Variants in ZNF33B observed in about 807,000 individuals in gnomAD.
ZNF33B encodes the protein zinc finger protein 33B.
A neutral mutation model predicts 45.8 loss-of-function variants in ZNF33B; 29 were observed. That is an observed-to-expected ratio of 0.63 (90% CI 0.47 to 0.86). The LOEUF (loss-of-function observed/expected upper bound fraction) is 0.86, where lower values mean the gene tolerates loss of function less well. Among genes scored for constraint, ZNF33B ranks in the 40% least tolerant of loss-of-function variants. The pLI, the probability that ZNF33B is intolerant of heterozygous loss-of-function variation, is 0.00. For missense variants in ZNF33B, 831 were observed against 909.9 expected, an observed-to-expected ratio of 0.91 and a Z score of 1.12; for synonymous variants, 305 against 307.8, an observed-to-expected ratio of 0.99 and a Z score of 0.10.
intron 4 of ZNF33B, among the ~76,000 whole-genome samples, chr10:42,620,951 T>C (rs1374389986): frequency 6.6e-6 from 1 of 152,030 alleles, no homozygotes; most frequent in Non-Finnish European, 1.5e-5. Context: ...ATTATAACTA[T>C]ATATGTACCA....
intron 4 of ZNF33B, among the ~76,000 whole-genome samples, chr10:42,620,402 G>C (rs1838520271): frequency 6.6e-6 from 1 of 151,746 alleles, no homozygotes; most frequent in South Asian, 2.1e-4. Flanking sequence ...GAATGGATTT[G>C]ATTGATTTAT....
At chr10:42,586,834 G>C (rs1836945711), downstream of ZNF33B, among the ~76,000 whole-genome samples, 1 of 152,298 alleles carries the variant, frequency 6.6e-6, no homozygotes, top group South Asian at 2.1e-4. Flanking sequence ...CCATTTGTGT[G>C]AACCATGTAC....
intron 4 of ZNF33B, among the ~76,000 whole-genome samples, chr10:42,599,118 C>T (rs1454095785): frequency 2.0e-5 from 3 of 152,078 alleles, no homozygotes; most frequent in African/African-American, 7.2e-5. Flanking sequence ...TGATAATTTA[C>T]AGGTATAGTA....
chr10:42,593,884 G>A lies in ZNF33B; in HGVS notation c.1066C>T (p.His356Tyr). ...RHQRVHTGEK[H>Y]FQCNQCGKTF... Reference sequence around the variant, plus strand: ...TTTCCACATTGATTACATTGAAAGTGTTTCTCTCCTGTGTGCACCCTCTGA... The same window carrying A: ...TTTCCACATTGATTACATTGAAAGTATTTCTCTCCTGTGTGCACCCTCTGA... The change falls in exon 5 of 5, where the codon CAC becomes TAC. Residue 356 changes from histidine (H) to tyrosine (Y), a missense_variant. Physicochemically the swap from His to Tyr is moderately conservative, Grantham distance 83 (BLOSUM62 2). Coordinates refer to ENST00000359467, the MANE Select transcript of ZNF33B (RefSeq NM_006955.3). 1.2e-6 allele frequency: 2 copies of A among 1,614,048 alleles called. No homozygotes were observed. The highest frequency in any genetic ancestry group is 2.2e-5 in the South Asian group (2 of 91,080).
At chr10:42,633,167 C>G (rs569270317) in intron 2 of ZNF33B, among the ~76,000 whole-genome samples, 5 of 152,140 alleles carry the variant, frequency 3.3e-5, no homozygotes, top group Non-Finnish European at 7.3e-5. Flanking sequence ...TTTTCTTCAT[C>G]GCAGTACATA....
chr10:42,600,435 T>C (rs1837571157), intron 4 of ZNF33B, among the ~76,000 whole-genome samples: 1 of 152,172 alleles, frequency 6.6e-6, no homozygotes, highest in African/African-American at 2.4e-5. Flanking sequence ...AAAAAAAATC[T>C]TTATCACTGG....
intron 2 of ZNF33B, 136 bp downstream of exon 2, chr10:42,636,784 A>G (rs209387): frequency 0.84 from 1,021,286 of 1,218,452 alleles, 430,096 homozygotes; most frequent in East Asian, 0.97. Context: ...ACAGAGATGG[A>G]GACACTGCGC....
At chr10:42,619,512 AT>A (rs920105063) in intron 4 of ZNF33B, among the ~76,000 whole-genome samples, 75 of 152,248 alleles carry the variant, frequency 4.9e-4, no homozygotes, top group African/African-American at 1.8e-3. Context: ...TCAAGATGAA[AT>A]AAAAAGAAAC....
At chr10:42,633,425 T>C (rs577960681) in intron 2 of ZNF33B, among the ~76,000 whole-genome samples, 2 of 152,282 alleles carry the variant, frequency 1.3e-5, no homozygotes, top group East Asian at 3.9e-4. Flanking sequence ...CCAATTCTAT[T>C]GAGAACAGCA....
intron 4 of ZNF33B, among the ~76,000 whole-genome samples, chr10:42,600,054 T>A (rs1428954599): frequency 6.6e-6 from 1 of 152,110 alleles, no homozygotes; most frequent in Non-Finnish European, 1.5e-5. Context: ...GAGAAAATAC[T>A]CTATATGACT....
chr10:42,603,732 C>T (rs1589037532), intron 4 of ZNF33B, among the ~76,000 whole-genome samples: 1 of 152,284 alleles, frequency 6.6e-6, no homozygotes, highest in East Asian at 1.9e-4. Flanking sequence ...TAGCGGCTAT[C>T]AGCAAAGTGT....
rs145136218 is a variant in ZNF33B, at chr10:42,593,120, T to C, written c.1830A>G (p.Glu610=). The part of the protein sequence containing the change: ...NRTHTGEKPY[E]CNECGKTFCQ... ...AGAAGGTTTTTCCACATTCATTACA[T>C]TCATAGGGTTTCTCCCCTGTATGTG... Residue 610 remains glutamate, a synonymous_variant, in exon 5 of 5, where the codon GAA becomes GAG. Transcript: ENST00000359467. 3.7e-6 allele frequency: 6 copies of C among 1,613,748 alleles called. No individual in the cohort carries two copies. The African/African-American group carries it at 8.0e-5, about 22-fold the overall frequency.
downstream of ZNF33B, among the ~76,000 whole-genome samples, chr10:42,586,424 C>T (rs1176704528): frequency 6.6e-6 from 1 of 151,938 alleles, no homozygotes; most frequent in African/African-American, 2.4e-5. Flanking sequence ...GCTGGGATTA[C>T]AGGCATGAGC....
At chr10:42,638,139 G>C (rs1839416615) in intron 1 of ZNF33B, among the ~76,000 whole-genome samples, 1 of 152,222 alleles carries the variant, frequency 6.6e-6, no homozygotes, top group Non-Finnish European at 1.5e-5. Context: ...TCCTACCCAG[G>C]TAGGGCCGCG....
Position 42,591,198 on chromosome 10 carries a change from G to A in ZNF33B, c.*1415C>T, listed in dbSNP as rs149065705. The A allele has an allele frequency of 3.7e-4, 283 of 763,272 alleles. 5 individuals are homozygous for A. The East Asian group carries it at 0.027, about 74-fold the overall frequency. 47.3% of individuals were successfully genotyped at this position (763,272 alleles called of 1,614,324 possible). A position where few individuals can be genotyped will look rare whatever the true frequency, so the allele number is the denominator to read the frequency against. Reference sequence around the variant, plus strand: ...GTCTGGGTACAATGAGCAATGAAATGACAGTCCAACAGCCCTGGGCAGCAA... The same window carrying A: ...GTCTGGGTACAATGAGCAATGAAATAACAGTCCAACAGCCCTGGGCAGCAA... On this transcript the variant is annotated 3_prime_UTR_variant, in exon 5 of 5. Coordinates refer to ENST00000359467, the MANE Select transcript of ZNF33B (RefSeq NM_006955.3).
At chr10:42,575,429 T>G (rs1297369436) in intron 1 of ZNF33B, among the ~76,000 whole-genome samples, 11 of 152,156 alleles carry the variant, frequency 7.2e-5, no homozygotes, top group Non-Finnish European at 8.8e-5. Flanking sequence ...TGCCTATGGA[T>G]TTTGCACTAC....
Position 42,593,208 on chromosome 10 carries a change from T to C in ZNF33B, c.1742A>G (p.Tyr581Cys), listed in dbSNP as rs1285453768. The change falls in exon 5 of 5, where the codon TAT becomes TGT. Residue 581 changes from tyrosine to cysteine, a missense_variant. By Grantham distance (194) the Tyr-to-Cys change is radical. Transcript: ENST00000359467. ...HYRTHTGEKP[Y>C]ECHECGKIFY... ...GATTTTTCCACATTCATGACATTCA[T>C]AGGGTTTCTCCCCCGTGTGTGTTCT... is the stretch of plus-strand genomic sequence containing the variant. The C allele has an allele frequency of 2.5e-6, 4 of 1,613,870 alleles. No homozygotes were observed. The highest frequency in any genetic ancestry group is 3.3e-5 in the Admixed American group (2 of 59,882).
intron 4 of ZNF33B, among the ~76,000 whole-genome samples, chr10:42,629,187 T>A (rs970123860): frequency 8.5e-5 from 13 of 152,170 alleles, no homozygotes; most frequent in African/African-American, 3.1e-4. Context: ...AGGCACAGAA[T>A]GTTAAAATTT....
intron 2 of ZNF33B, among the ~76,000 whole-genome samples, chr10:42,633,765 C>T (rs1243728364): frequency 3.3e-5 from 5 of 152,088 alleles, no homozygotes; most frequent in Non-Finnish European, 7.4e-5. Context: ...GACAGGAGTT[C>T]GAGACCAGCC....
Sources: allele counts gnomAD v4.1 joint callset (sites outside exome capture counted in the v4.1 genomes callset), GRCh38; gene constraint gnomAD v4.1.1; transcripts MANE v1.5; gene names NCBI Gene and HGNC (gene_info 2026-07-23, HGNC 2026-07-21).